Variants in GNG7 observed in about 807,000 individuals in gnomAD.
The protein encoded by GNG7 is guanine nucleotide-binding protein G(I)/G(S)/G(O) subunit gamma-7.
In GNG7, 1 loss-of-function variant was observed where a neutral mutation model predicts 4.0. The ratio of observed to expected loss-of-function variants is 0.25; its 90% CI spans 0.09 to 1.18. GNG7 has a LOEUF of 1.18. GNG7 is among the 50% of genes most tolerant of loss of function. The probability of loss-of-function intolerance (pLI) is 0.50; values close to 1 mark genes in which losing one functional copy is unlikely to be tolerated. For synonymous variants in GNG7, 34 were observed against 36.9 expected (o/e 0.92, Z 0.29); for missense variants, 86 against 91.9 (o/e 0.94, Z 0.26).
At position 2,617,286 on chromosome 19, in the gene GNG7, C is replaced by T. The variant is rs1199929313; in HGVS notation, c.-78+28938G>A. Among the ~76,000 whole-genome samples, 3 of 152,124 alleles carry T rather than the reference C, an allele frequency of 2.0e-5. No individual in the cohort carries two copies. The highest frequency in any genetic ancestry group is 2.1e-4 in the South Asian group (1 of 4,832). On this transcript the variant is annotated intron_variant, in intron 2 of 4. Coordinates refer to ENST00000382159, the MANE Select transcript of GNG7 (RefSeq NM_052847.3). The surrounding 1 kb of genome is among the most constrained non-coding windows in gnomAD (Gnocchi z 4.7). ...AGGCAAACCTGTCCCACTTAAGAAC[C>T]GCTGGCCTGGACCAGAAACTGGATC...
rs1366103637 is a variant in GNG7, at chr19:2,514,983, A to G, written c.*39T>C. Reference sequence around the variant, plus strand: ...GAGACAGAGACAGAGAGAGAGAGAGAGAAAGAGAGAGAGAGAGAGAGAACA... The same window carrying G: ...GAGACAGAGACAGAGAGAGAGAGAGGGAAAGAGAGAGAGAGAGAGAGAACA... On this transcript the variant is annotated 3_prime_UTR_variant, in exon 5 of 5. Coordinates refer to ENST00000382159, the MANE Select transcript of GNG7 (RefSeq NM_052847.3). 7.5e-7 allele frequency: 1 copy of G among 1,333,588 alleles called. No homozygotes were observed. Among genetic ancestry groups the G allele is most frequent in the African/African-American group, 1.4e-5 (1 of 70,354 alleles). 82.6% of individuals were successfully genotyped at this position (1,333,588 alleles called of 1,614,324 possible).
chr19:2,553,308 G>A (rs1441882963), intron 3 of GNG7, among the ~76,000 whole-genome samples: 1 of 150,248 alleles, frequency 6.7e-6, no homozygotes, highest in African/African-American at 2.4e-5. Context: ...AGAAAAACGC[G>A]AATGAAACAG....
chr19:2,629,932 G>A (rs546300905), intron 2 of GNG7, among the ~76,000 whole-genome samples: 9 of 152,264 alleles, frequency 5.9e-5, no homozygotes, highest in African/African-American at 2.2e-4. Context: ...TCACCACTGG[G>A]GGAAACTGTG....
chr19:2,571,146 G>T (rs959446891), intron 2 of GNG7, among the ~76,000 whole-genome samples: 6 of 152,056 alleles, frequency 3.9e-5, no homozygotes, highest in African/African-American at 1.4e-4. Context: ...ACCAATAACA[G>T]GATTCCACCC....
chr19:2,587,245 T>C (rs936826270), intron 2 of GNG7, among the ~76,000 whole-genome samples: 1 of 151,974 alleles, frequency 6.6e-6, no homozygotes, highest in Non-Finnish European at 1.5e-5. Context: ...AGCATCTGGC[T>C]CTAGGGTCTC....
Position 2,512,806 on chromosome 19 carries a change from G to A in GNG7, c.*2216C>T, listed in dbSNP as rs1207545753. Reference sequence around the variant, plus strand: ...AGTTACCAAGATGGCTTGTTGGAAAGGGTGGAGGCAGGCGGGCTCTCCCTG... The same window carrying A: ...AGTTACCAAGATGGCTTGTTGGAAAAGGTGGAGGCAGGCGGGCTCTCCCTG... On this transcript the variant is annotated 3_prime_UTR_variant, in exon 5 of 5. Coordinates refer to ENST00000382159, the MANE Select transcript of GNG7 (RefSeq NM_052847.3). This position sits in a 1 kb window ranked among gnomAD's most constrained non-coding sequence, Gnocchi z 4.7. 2.9e-6 allele frequency: 2 copies of A among 682,826 alleles called. No individual in the cohort carries two copies. Among genetic ancestry groups the A allele is most frequent in the Non-Finnish European group, 3.6e-6 (2 of 553,352 alleles). The allele number at this position is 682,826 out of a possible 1,614,324, so 42.3% of individuals were successfully genotyped here. A position where few individuals can be genotyped will look rare whatever the true frequency, so the allele number is the denominator to read the frequency against.
At chr19:2,526,679 T>C (rs909225363) in intron 3 of GNG7, among the ~76,000 whole-genome samples, 2 of 149,702 alleles carry the variant, frequency 1.3e-5, no homozygotes, top group Non-Finnish European at 1.5e-5. Context: ...ATCATTTACA[T>C]AATTTATACA....
intron 1 of GNG7, among the ~76,000 whole-genome samples, chr19:2,690,253 G>A (rs1043952427): frequency 6.6e-6 from 1 of 151,914 alleles, no homozygotes; most frequent in African/African-American, 2.4e-5. Flanking sequence ...GTGGTGTCAG[G>A]CGCTTGTAAT....
intron 1 of GNG7, among the ~76,000 whole-genome samples, chr19:2,699,736 G>T (rs533103878): frequency 6.6e-6 from 1 of 152,290 alleles, no homozygotes; most frequent in South Asian, 2.1e-4. Flanking sequence ...TGGAGGTCAG[G>T]GATGCTGCTC....
chr19:2,559,602 C>T (rs61271794), intron 2 of GNG7, among the ~76,000 whole-genome samples: 13,366 of 151,878 alleles, frequency 0.088, 866 homozygotes, highest in African/African-American at 0.17. Flanking sequence ...GCAACCTCCG[C>T]CTCCTGGGTT....
intron 1 of GNG7, among the ~76,000 whole-genome samples, chr19:2,682,655 CAAAAAA>C (rs745799326): frequency 1.6e-5 from 1 of 64,340 alleles, no homozygotes; most frequent in African/African-American, 7.4e-5. Flanking sequence ...GACTCCATCT[CAAAAAA>C]AAAAAAAAAA....
rs1316556904 is a variant in GNG7 at position 2,657,344 on chromosome 19, AAAAAAAAAAAAAAAAAAATATATATAT to A, written c.-134-11091_-134-11065del. Among the ~76,000 whole-genome samples, 12 of 12,730 alleles carry A rather than the reference AAAAAAAAAAAAAAAAAAATATATATAT, an allele frequency of 9.4e-4. No individual in the cohort carries two copies. In the South Asian group the frequency reaches 0.016, roughly 17 times the overall value. 8.4% of individuals were successfully genotyped at this position (12,730 alleles called of 152,430 possible). On this transcript the variant is annotated intron_variant, in intron 1 of 4. Transcript: ENST00000382159. ...GCAAGACCCCGTCTCAATTAAAAAAAAAAAAAAAAAAAAAAAAATATATATATATATATATATATATATATATATATA... is the reference window on the plus strand; with the variant it reads ...GCAAGACCCCGTCTCAATTAAAAAAAATATATATATATATATATATATATA...
At chr19:2,700,554 G>A (rs7257619) in intron 1 of GNG7, 16,613 of 152,016 alleles carry the variant, frequency 0.11, 2,052 homozygotes, top group African/African-American at 0.31. Flanking sequence ...TGACAACCCA[G>A]TCATCCCACT....
At chr19:2,622,523 T>C (rs113747622) in intron 2 of GNG7, among the ~76,000 whole-genome samples, 1,534 of 148,660 alleles carry the variant, frequency 0.01, 29 homozygotes, top group African/African-American at 0.037. Flanking sequence ...GGGAACCCAA[T>C]GCGAGCAACG....
At position 2,557,134 on chromosome 19, in the gene GNG7, GCA is replaced by G. The variant is rs762487142; in HGVS notation, c.-77-1948_-77-1947del. ...ACGCACACACGTACACACGTGTACT[GCA>G]CACTCACGCACATGCACACAAAGAC... On this transcript the variant is annotated intron_variant, in intron 2 of 4. Transcript: ENST00000382159. This position sits in a 1 kb window ranked among gnomAD's most constrained non-coding sequence, Gnocchi z 5.1. Among the ~76,000 whole-genome samples the G allele has an allele frequency of 1.2e-3, 177 of 150,184 alleles. No homozygotes were observed. The highest frequency in any genetic ancestry group is 2.0e-3 in the Admixed American group (30 of 15,070).
At chr19:2,622,767 C>T (rs1041000645) in intron 2 of GNG7, among the ~76,000 whole-genome samples, 9 of 146,518 alleles carry the variant, frequency 6.1e-5, no homozygotes, top group African/African-American at 1.3e-4. Flanking sequence ...GCGAGCAACG[C>T]GGCAGAGAGG....
chr19:2,548,413 G>A (rs1011213465), intron 3 of GNG7, among the ~76,000 whole-genome samples: 3 of 150,334 alleles, frequency 2.0e-5, no homozygotes, highest in South Asian at 2.1e-4. Flanking sequence ...CTCGGGAGGC[G>A]GAGGTTGCAG....
intron 2 of GNG7, among the ~76,000 whole-genome samples, 170 bp downstream of exon 2, chr19:2,646,054 G>A (rs1279371237): frequency 1.3e-5 from 2 of 152,166 alleles, no homozygotes; most frequent in Non-Finnish European, 2.9e-5. Context: ...GCTAGCAGCT[G>A]TTACCCACAC....
chr19:2,513,259 G>A lies in GNG7; in HGVS notation c.*1763C>T, dbSNP rs955359793. 1.4e-5 allele frequency: 7 copies of A among 485,790 alleles called. No individual in the cohort carries two copies. Among genetic ancestry groups the A allele is most frequent in the African/African-American group, 2.1e-5 (1 of 47,658 alleles). 30.1% of individuals were successfully genotyped at this position (485,790 alleles called of 1,614,324 possible). On this transcript the variant is annotated 3_prime_UTR_variant, in exon 5 of 5. Coordinates refer to ENST00000382159, the MANE Select transcript of GNG7 (RefSeq NM_052847.3). ...ACGGAGGACCTGGGCGGCCGTCCAG[G>A]AACCCTCTCGGCACGGGTTCTTAGA...
Sources: gnomAD v4.1 joint callset for allele counts (sites outside exome capture counted in the v4.1 genomes callset) on GRCh38, gnomAD v4.1.1 for gene constraint, Gnocchi (gnomAD v3.1) non-coding constraint, MANE v1.5 for transcripts, NCBI Gene and HGNC (gene_info 2026-07-23, HGNC 2026-07-21) for gene names.